The following SERPINB8 variants were observed in gnomAD, a reference collection of about 807,000 sequenced individuals.
SERPINB8 encodes the protein serpin B8.
Under a neutral mutation model 35.3 loss-of-function variants are expected in SERPINB8, and 25 were observed. The ratio of observed to expected loss-of-function variants is 0.71; its 90% CI spans 0.52 to 0.99. The LOEUF is 0.99. Among genes scored for constraint, SERPINB8 ranks in the 50% least tolerant of loss-of-function variants. The pLI is 0.00. For synonymous variants in SERPINB8, 186 were observed against 160.8 expected (o/e 1.16, Z -1.19); for missense variants, 484 against 446.5 (o/e 1.08, Z -0.76).
intron 7 of SERPINB8, among the ~76,000 whole-genome samples, chr18:64,015,045 C>T (rs1005819586): frequency 8.5e-5 from 13 of 152,160 alleles, no homozygotes; most frequent in Admixed American, 5.9e-4. Context: ...ACCATGCCTT[C>T]GCCAGCCCTC....
downstream of SERPINB8, among the ~76,000 whole-genome samples, chr18:63,993,890 A>G (rs1486251010): frequency 6.6e-6 from 1 of 152,196 alleles, no homozygotes; most frequent in Non-Finnish European, 1.5e-5. Flanking sequence ...TTCCGAGCTC[A>G]GACAGCTTCA....
Position 63,978,487 on chromosome 18 carries a change from T to C in SERPINB8, c.168+11T>C. The C allele has an allele frequency of 1.2e-6, 2 of 1,613,466 alleles. No homozygotes were observed. Among genetic ancestry groups the C allele is most frequent in the Non-Finnish European group, 1.7e-6 (2 of 1,179,574 alleles). ...GCCCAGATGTCCCAGGTATGTGTGC[T>C]TGTCACAAAGGAAGGAGAACAGTGT... On this transcript the variant is annotated intron_variant, in intron 2 of 6. Transcript: ENST00000397985.
At chr18:64,005,618 C>T (rs1361011961) in exon 2 of SERPINB8, 1 of 152,232 alleles carries the variant, frequency 6.6e-6, no homozygotes, top group Admixed American at 6.5e-5. Context: ...TTTTGGACTT[C>T]CCAGCCTCTA....
downstream of SERPINB8, among the ~76,000 whole-genome samples, chr18:63,989,942 C>CAAAA (rs1161052778): frequency 1.4e-4 from 4 of 27,880 alleles, no homozygotes; most frequent in Non-Finnish European, 2.2e-4. Flanking sequence ...GACTCTGTCT[C>CAAAA]AAAAAAAAAA....
At chr18:63,985,718 A>T (rs1462026365) in intron 6 of SERPINB8, among the ~76,000 whole-genome samples, 1 of 152,238 alleles carries the variant, frequency 6.6e-6, no homozygotes, top group Non-Finnish European at 1.5e-5. Flanking sequence ...GAACCACACT[A>T]TGAATAGCAA....
chr18:63,978,598 C>T, intron 2 of SERPINB8, 122 bp downstream of exon 2: 1 of 1,119,252 alleles, frequency 8.9e-7, no homozygotes, highest in Non-Finnish European at 1.3e-6. Context: ...GGAGGAGCAG[C>T]TCGGCAGTGG....
intron 6 of SERPINB8, chr18:63,986,503 TCAAA>T (rs1376292986): frequency 2.2e-6 from 3 of 1,347,410 alleles, no homozygotes; most frequent in African/African-American, 3.0e-5. Flanking sequence ...TTGTCTTTTG[TCAAA>T]CAATCTCTCC....
At chr18:64,006,912 A>G (rs1291616259), downstream of SERPINB8, among the ~76,000 whole-genome samples, 2 of 152,214 alleles carry the variant, frequency 1.3e-5, no homozygotes, top group Non-Finnish European at 2.9e-5. Context: ...CTATGCATCC[A>G]ACTTAATTAG....
exon 2 of SERPINB8, chr18:64,005,255 G>A (rs545147320): frequency 1.8e-5 from 3 of 163,174 alleles, no homozygotes; most frequent in African/African-American, 7.1e-5. Context: ...ATTTTTCTTG[G>A]GAATAAATTA....
At chr18:64,012,721 G>A in intron 7 of SERPINB8, among the ~76,000 whole-genome samples, 1 of 151,940 alleles carries the variant, frequency 6.6e-6, no homozygotes, top group South Asian at 2.1e-4. Context: ...GCAAACTAAT[G>A]ATGTTCTCCA....
chr18:63,999,658 A>G (rs2050865466), intron 1 of SERPINB8, among the ~76,000 whole-genome samples: 1 of 152,164 alleles, frequency 6.6e-6, no homozygotes, highest in South Asian at 2.1e-4. Context: ...GTATACCTTT[A>G]GAGTATTCTT....
chr18:63,997,334 G>A (rs1254777424), intron 1 of SERPINB8, among the ~76,000 whole-genome samples: 1 of 152,222 alleles, frequency 6.6e-6, no homozygotes, highest in African/African-American at 2.4e-5. Flanking sequence ...GTATTCTCTA[G>A]TGAATGAAAA....
intron 7 of SERPINB8, among the ~76,000 whole-genome samples, chr18:64,018,733 A>C (rs115879733): frequency 6.6e-6 from 1 of 151,298 alleles, no homozygotes; most frequent in African/African-American, 2.5e-5. Flanking sequence ...TATGAATTAC[A>C]CTTCCTATTT....
At chr18:63,986,813 GGT>G in intron 6 of SERPINB8, 59 bp from the exon 7 acceptor site, 1 of 1,478,044 alleles carries the variant, frequency 6.8e-7, no homozygotes, top group Non-Finnish European at 9.1e-7. Context: ...GTAATAAATG[GGT>G]GTGTGGGTAT....
chr18:63,995,234 A>G (rs9956869), intron 1 of SERPINB8, among the ~76,000 whole-genome samples: 3,964 of 152,294 alleles, frequency 0.026, 123 homozygotes, highest in African/African-American at 0.072. Context: ...CTCCCCAGAC[A>G]GCTAGACTTT....
chr18:63,993,583 G>T (rs532337999), downstream of SERPINB8, among the ~76,000 whole-genome samples: 11 of 152,304 alleles, frequency 7.2e-5, no homozygotes, highest in African/African-American at 2.6e-4. Context: ...TGATAGTGTT[G>T]TTCAGGTCTT....
At chr18:64,015,347 C>T (rs1038618284) in intron 7 of SERPINB8, among the ~76,000 whole-genome samples, 2 of 152,140 alleles carry the variant, frequency 1.3e-5, no homozygotes, top group Non-Finnish European at 2.9e-5. Context: ...TCCGAAGTCA[C>T]TAACTAGTTA....
intron 5 of SERPINB8, among the ~76,000 whole-genome samples, chr18:63,984,406 A>G (rs2050719150): frequency 6.6e-6 from 1 of 152,200 alleles, no homozygotes; most frequent in Admixed American, 6.5e-5. Flanking sequence ...ATTGCCTTAA[A>G]AGTCAAAGTT....
chr18:64,008,836 T>G (rs1400376807), downstream of SERPINB8, among the ~76,000 whole-genome samples: 2 of 152,148 alleles, frequency 1.3e-5, no homozygotes, highest in Non-Finnish European at 2.9e-5. Flanking sequence ...ACTCCAGTCT[T>G]GCACTTGCTA....
Sources: allele counts gnomAD v4.1 joint callset (sites outside exome capture counted in the v4.1 genomes callset), GRCh38; gene constraint gnomAD v4.1.1; transcripts MANE v1.5; gene names NCBI Gene and HGNC (gene_info 2026-07-23, HGNC 2026-07-21).